TUBD1: variants seen among roughly 807,000 people sequenced by gnomAD.
The protein encoded by TUBD1 is tubulin delta 1.
In TUBD1, 38 loss-of-function variants were observed where a neutral mutation model predicts 51.2. That is an observed-to-expected ratio of 0.74 (90% CI 0.57 to 0.97). The LOEUF is 0.97. TUBD1 is among the 50% of genes least tolerant of loss of function. TUBD1 has a pLI of 0.00. For missense variants in TUBD1, 489 were observed against 538.4 expected, an observed-to-expected ratio of 0.91 and a Z score of 0.91; for synonymous variants, 169 against 178.2, an observed-to-expected ratio of 0.95 and a Z score of 0.41.
chr17:59,889,265 T>C (rs1261166063), intron 2 of TUBD1, among the ~76,000 whole-genome samples: 1 of 150,014 alleles, frequency 6.7e-6, no homozygotes, highest in Admixed American at 6.6e-5. Context: ...CTGCCTGCCT[T>C]GGCCTCCCAA....
At chr17:59,878,841 C>T (rs1488824889) in intron 4 of TUBD1, 2 of 155,154 alleles carry the variant, frequency 1.3e-5, no homozygotes, top group East Asian at 3.8e-4. Context: ...GCAAGTTAAA[C>T]ACTTAGAACA....
At chr17:59,872,788 T>C (rs2040053462) in intron 6 of TUBD1, among the ~76,000 whole-genome samples, 1 of 150,670 alleles carries the variant, frequency 6.6e-6, no homozygotes, top group Non-Finnish European at 1.5e-5. Context: ...TTTTTTGAGA[T>C]GGAGTTTCAC....
At chr17:59,868,078 A>G (rs1233728865) in intron 6 of TUBD1, among the ~76,000 whole-genome samples, 1 of 141,884 alleles carries the variant, frequency 7.0e-6, no homozygotes, top group Non-Finnish European at 1.5e-5. Context: ...GCCTGGCCAA[A>G]ATGGTGAAAC....
intron 5 of TUBD1, among the ~76,000 whole-genome samples, chr17:59,876,183 C>CCT (rs1555635524): frequency 6.7e-6 from 1 of 149,246 alleles, no homozygotes; most frequent in Non-Finnish European, 1.5e-5. Flanking sequence ...GGCATGAATT[C>CCT]TTTTTTTTTT....
At chr17:59,876,166 G>A (rs1263898009) in intron 5 of TUBD1, among the ~76,000 whole-genome samples, 1 of 145,538 alleles carries the variant, frequency 6.9e-6, no homozygotes, top group Non-Finnish European at 1.5e-5. Flanking sequence ...TAATTCATGA[G>A]CACTAAGGCA....
chr17:59,889,404 C>T (rs1267975748), intron 2 of TUBD1, among the ~76,000 whole-genome samples: 2 of 151,014 alleles, frequency 1.3e-5, no homozygotes, highest in African/African-American at 2.4e-5. Context: ...CAGTGGCTCA[C>T]GCCTGTAATC....
chr17:59,872,138 A>G (rs905472744), intron 6 of TUBD1, among the ~76,000 whole-genome samples: 12 of 152,034 alleles, frequency 7.9e-5, no homozygotes, highest in Non-Finnish European at 1.2e-4. Flanking sequence ...TATTTTTAGT[A>G]GAGATGGGGT....
At chr17:59,865,406 C>T (rs1452442832) in intron 7 of TUBD1, among the ~76,000 whole-genome samples, 2 of 152,008 alleles carry the variant, frequency 1.3e-5, no homozygotes, top group Non-Finnish European at 2.9e-5. Flanking sequence ...ATGGTCAAAT[C>T]CCATCTCTAC....
chr17:59,883,171 C>G (rs2040567823), intron 3 of TUBD1, among the ~76,000 whole-genome samples: 1 of 152,060 alleles, frequency 6.6e-6, no homozygotes, highest in African/African-American at 2.4e-5. Context: ...TCTCGGCTCA[C>G]TGCAACCTCT....
intron 3 of TUBD1, chr17:59,885,163 C>T: frequency 5.2e-6 from 2 of 381,248 alleles, no homozygotes; most frequent in Non-Finnish European, 1.0e-5. Flanking sequence ...GGACAGGCCA[C>T]TGCCCTCAAG....
intron 6 of TUBD1, among the ~76,000 whole-genome samples, chr17:59,867,491 T>G (rs1218643008): frequency 6.6e-6 from 1 of 152,074 alleles, no homozygotes; most frequent in Non-Finnish European, 1.5e-5. Context: ...GAGGATCTCT[T>G]GAGTCCAGGA....
intron 6 of TUBD1, among the ~76,000 whole-genome samples, chr17:59,873,225 A>G (rs1013615203): frequency 6.8e-6 from 1 of 148,062 alleles, no homozygotes; most frequent in Non-Finnish European, 1.5e-5. Context: ...ATAAATTCAT[A>G]CCAGACATTA....
At chr17:59,891,694 G>A (rs915299504) in intron 1 of TUBD1, 3 of 152,266 alleles carry the variant, frequency 2.0e-5, no homozygotes, top group African/African-American at 7.2e-5. Flanking sequence ...AAGAGGCTGG[G>A]TGCGTGGCTC....
At chr17:59,884,955 G>T in intron 3 of TUBD1, 1 of 202,280 alleles carries the variant, frequency 4.9e-6, no homozygotes, top group Non-Finnish European at 1.0e-5. Flanking sequence ...CCCAACATCA[G>T]GGCTTTACCC....
chr17:59,885,503 G>A (rs753664037), intron 3 of TUBD1: 233 of 1,581,352 alleles, frequency 1.5e-4, no homozygotes, highest in Middle Eastern at 2.0e-4. Context: ...TACCTGGAAC[G>A]AGGCGGTGAT....
chr17:59,863,332 A>T (rs1408634772), intron 8 of TUBD1, among the ~76,000 whole-genome samples: 1 of 152,032 alleles, frequency 6.6e-6, no homozygotes, highest in African/African-American at 2.4e-5. Context: ...GAAAGGCTGC[A>T]GTGCATGGTG....
At chr17:59,891,161 T>C in intron 1 of TUBD1, 120 bp from the exon 2 acceptor site, 1 of 576,756 alleles carries the variant, frequency 1.7e-6, no homozygotes, top group South Asian at 2.2e-5. Flanking sequence ...GACGGAGTCT[T>C]GTTCTGTCAC....
At position 59,863,806 on chromosome 17, in the gene TUBD1, G is replaced by C. The variant is rs779690037; in HGVS notation, c.1117C>G (p.Pro373Ala). ...DPALYTSWLK[P>A]VNAFNVWKTQ... is the part of the protein sequence containing the mutation. The stretch of plus-strand genomic sequence containing the variant: ...TTCCACACGTTGAAAGCATTAACAG[G>C]CTTCAACCAGGAAGTATACAGAGCT... Residue 373 changes from proline to alanine, a missense_variant, in exon 8 of 9, where the codon CCT becomes GCT. By Grantham distance (27) the Pro-to-Ala change is conservative. Coordinates refer to ENST00000325752, the MANE Select transcript of TUBD1 (RefSeq NM_016261.4). 5.6e-6 allele frequency: 9 copies of C among 1,601,272 alleles called. No homozygotes were observed. Among genetic ancestry groups the C allele is most frequent in the African/African-American group, 1.4e-5 (1 of 74,026 alleles).
intron 6 of TUBD1, among the ~76,000 whole-genome samples, chr17:59,873,590 C>T (rs964987845): frequency 1.3e-5 from 2 of 152,088 alleles, no homozygotes; most frequent in Non-Finnish European, 2.9e-5. Flanking sequence ...ATAGGCCGGG[C>T]GCAGTGGCTC....
Sources: allele counts gnomAD v4.1 joint callset (sites outside exome capture counted in the v4.1 genomes callset), GRCh38; gene constraint gnomAD v4.1.1; transcripts MANE v1.5; gene names NCBI Gene and HGNC (gene_info 2026-07-23, HGNC 2026-07-21).